SULF2: variants seen among roughly 807,000 people sequenced by gnomAD.
SULF2 encodes extracellular sulfatase Sulf-2.
SULF2 carries 52 observed loss-of-function variants against 107.7 expected under a neutral mutation model. That is an observed-to-expected ratio of 0.48 (90% confidence interval 0.39 to 0.61). SULF2 has a LOEUF of 0.61. Among genes scored for constraint, SULF2 ranks in the 20% least tolerant of loss-of-function variants. The probability of loss-of-function intolerance (pLI) is 0.00; values close to 1 mark genes in which losing one functional copy is unlikely to be tolerated. For synonymous variants in SULF2, 460 were observed against 464.3 expected (o/e 0.99, Z 0.12); for missense variants, 993 against 1,177.3 (o/e 0.84, Z 2.29).
rs1186083167 is a variant in SULF2, at chr20:47,659,522, T to G, written c.2529-70A>C. The stretch of plus-strand genomic sequence containing the variant: ...AAGAAAGAAAAAGTCCCCAAAGAAC[T>G]ATACAAAGAAGGTCTCCTAGGTGAC... On this transcript the variant is annotated intron_variant, in intron 19 of 20. Coordinates refer to ENST00000688720, the MANE Select transcript of SULF2 (RefSeq NM_001387048.1). 3.9e-6 allele frequency: 6 copies of G among 1,550,298 alleles called. No homozygotes were observed. In the East Asian group the frequency reaches 9.0e-5, roughly 23 times the overall value.
chr20:47,703,622 A>T (rs1338001105), intron 3 of SULF2, among the ~76,000 whole-genome samples: 1 of 152,214 alleles, frequency 6.6e-6, no homozygotes. Flanking sequence ...CTAAATTTGA[A>T]TGCATTGGTA....
At chr20:47,670,486 C>T (rs2087426535) in intron 11 of SULF2, among the ~76,000 whole-genome samples, 1 of 150,930 alleles carries the variant, frequency 6.6e-6, no homozygotes, top group African/African-American at 2.4e-5. Flanking sequence ...GCCACTGTGC[C>T]CGATCAGGAA....
At chr20:47,677,431 C>CGCGTGTGTGTGTGTGTGT (rs2087686042) in intron 8 of SULF2, among the ~76,000 whole-genome samples, 1 of 112,588 alleles carries the variant, frequency 8.9e-6, no homozygotes, top group African/African-American at 3.2e-5. Context: ...TGTGTGTGTG[C>CGCGTGTGTGTGTGTGTGT]GCGCACACAC....
At chr20:47,695,588 T>G (rs1366205502) in intron 4 of SULF2, among the ~76,000 whole-genome samples, 1 of 152,224 alleles carries the variant, frequency 6.6e-6, no homozygotes, top group Non-Finnish European at 1.5e-5. Context: ...TCAAGGTTCA[T>G]CCATGTTGCT....
chr20:47,718,175 G>A (rs2089181780), intron 3 of SULF2, among the ~76,000 whole-genome samples: 2 of 152,008 alleles, frequency 1.3e-5, no homozygotes, highest in African/African-American at 2.4e-5. Flanking sequence ...ATGGGCTCTG[G>A]AGCCAACAGC....
rs2086935631 is a variant in SULF2 at position 47,657,570 on chromosome 20, G to A, written c.*792C>T. ...CATACATCAACTTCATTTCTTTTCA[G>A]TACCTTAAAAAAAAAACATCAGTTC... On this transcript the variant is annotated 3_prime_UTR_variant, in exon 21 of 21. Transcript: ENST00000688720. The A allele has an allele frequency of 6.6e-6, 1 of 151,536 alleles. No individual in the cohort carries two copies. Among genetic ancestry groups the A allele is most frequent in the African/African-American group, 2.4e-5 (1 of 41,146 alleles). 9.4% of individuals were successfully genotyped at this position (151,536 alleles called of 1,614,324 possible).
chr20:47,750,228 C>T (rs1260458313), intron 2 of SULF2, among the ~76,000 whole-genome samples: 1 of 152,218 alleles, frequency 6.6e-6, no homozygotes, highest in East Asian at 1.9e-4. Context: ...GATCCGCGTG[C>T]CTTGGCCTCC....
At chr20:47,713,426 TGTC>T (rs2088999331) in intron 3 of SULF2, among the ~76,000 whole-genome samples, 1 of 152,192 alleles carries the variant, frequency 6.6e-6, no homozygotes. Context: ...TTTAAAAAGT[TGTC>T]CAAATGTACC....
intron 2 of SULF2, among the ~76,000 whole-genome samples, chr20:47,745,452 TATATACACATACAC>T (rs2090012346): frequency 5.3e-5 from 1 of 18,888 alleles, no homozygotes; most frequent in African/African-American, 4.0e-4. Flanking sequence ...TATATATATA[TATATACACATACAC>T]ACACACTTTT....
rs764654144 is a variant in SULF2, at chr20:47,658,200, G to A, written c.*162C>T. Reference sequence around the variant, plus strand: ...CCTGAAGTTATCTCTGCTCCTGCTGGTTATCCTCCAGAATCTGTCATGTTG... The same window carrying A: ...CCTGAAGTTATCTCTGCTCCTGCTGATTATCCTCCAGAATCTGTCATGTTG... On this transcript the variant is annotated 3_prime_UTR_variant, in exon 21 of 21. Coordinates refer to ENST00000688720, the MANE Select transcript of SULF2 (RefSeq NM_001387048.1). 3.5e-4 allele frequency: 255 copies of A among 721,210 alleles called. No homozygotes were observed. Among genetic ancestry groups the A allele is most frequent in the Admixed American group, 4.0e-4 (18 of 44,568 alleles). The allele number at this position is 721,210 out of a possible 1,614,324, so 44.7% of individuals were successfully genotyped here. A position where few individuals can be genotyped will look rare whatever the true frequency, so the allele number is the denominator to read the frequency against.
At chr20:47,717,869 A>G (rs1008592048) in intron 3 of SULF2, among the ~76,000 whole-genome samples, 1 of 146,102 alleles carries the variant, frequency 6.8e-6, no homozygotes, top group Non-Finnish European at 1.5e-5. Flanking sequence ...GCTGGAGTTC[A>G]GTGCTGCGAT....
rs895266017 is a variant in SULF2 at position 47,764,479 on chromosome 20, G to T, written c.-100-7016C>A. On this transcript the variant is annotated intron_variant, in intron 1 of 20. Coordinates refer to ENST00000688720, the MANE Select transcript of SULF2 (RefSeq NM_001387048.1). ...TTATATATGGTTTGACTGCAGGGCAGCGCATGTGAGCCAGGTGGAGCCAAT... is the reference window on the plus strand; with the variant it reads ...TTATATATGGTTTGACTGCAGGGCATCGCATGTGAGCCAGGTGGAGCCAAT... Among the ~76,000 whole-genome samples, 3 of 152,216 alleles carry T rather than the reference G, an allele frequency of 2.0e-5. No homozygotes were observed. In the East Asian group the frequency reaches 5.8e-4, roughly 29 times the overall value.
At chr20:47,663,891 C>T (rs2087173219) in intron 15 of SULF2, among the ~76,000 whole-genome samples, 1 of 152,216 alleles carries the variant, frequency 6.6e-6, no homozygotes, top group African/African-American at 2.4e-5. Flanking sequence ...CACCCCTTTC[C>T]CCTCCTTCCT....
chr20:47,700,066 C>T (rs2088510840), intron 4 of SULF2, among the ~76,000 whole-genome samples: 1 of 152,180 alleles, frequency 6.6e-6, no homozygotes, highest in Admixed American at 6.5e-5. Flanking sequence ...AATGTACCAG[C>T]TGTGGGGGGA....
intron 3 of SULF2, among the ~76,000 whole-genome samples, chr20:47,722,554 G>A (rs967428903): frequency 5.3e-5 from 8 of 152,132 alleles, no homozygotes; most frequent in Non-Finnish European, 1.2e-4. Context: ...GAGCCACCGT[G>A]CCTGGCCTTG....
At chr20:47,703,365 T>G (rs1272051806) in intron 3 of SULF2, among the ~76,000 whole-genome samples, 1 of 152,266 alleles carries the variant, frequency 6.6e-6, no homozygotes, top group African/African-American at 2.4e-5. Context: ...TTATGGCTTA[T>G]GCTCATATTG....
chr20:47,780,561 A>T (rs1209108723), intron 1 of SULF2, among the ~76,000 whole-genome samples: 1 of 150,736 alleles, frequency 6.6e-6, no homozygotes, highest in African/African-American at 2.4e-5. Flanking sequence ...TTTTCTTTTA[A>T]ATTTTTTTTT....
At chr20:47,758,238 G>T (rs2090341146) in intron 1 of SULF2, among the ~76,000 whole-genome samples, 1 of 149,914 alleles carries the variant, frequency 6.7e-6, no homozygotes, top group South Asian at 2.1e-4. Context: ...ACGCCATCTG[G>T]GCTCACTGCG....
At chr20:47,753,369 GTTC>G (rs1339301887) in intron 2 of SULF2, among the ~76,000 whole-genome samples, 2 of 152,208 alleles carry the variant, frequency 1.3e-5, no homozygotes, top group African/African-American at 2.4e-5. Context: ...GCTTGAGAAA[GTTC>G]TTCTCTTTTC....
Sources: allele counts gnomAD v4.1 joint callset (sites outside exome capture counted in the v4.1 genomes callset), GRCh38; gene constraint gnomAD v4.1.1; transcripts MANE v1.5; gene names NCBI Gene and HGNC (gene_info 2026-07-23, HGNC 2026-07-21).